The following TAPT1 variants were observed in gnomAD, a reference collection of about 807,000 sequenced individuals.
The protein encoded by TAPT1 is transmembrane anterior posterior transformation 1.
A neutral mutation model predicts 65.6 loss-of-function variants in TAPT1; 28 were observed. The observed-to-expected ratio is 0.43, with a 90% CI of 0.32 to 0.59. The LOEUF (loss-of-function observed/expected upper bound fraction) is 0.59. TAPT1 is among the 20% of genes least tolerant of loss of function. The pLI is 0.09. For missense variants in TAPT1, 563 were observed against 679.9 expected (o/e 0.83, Z 1.91); for synonymous variants, 278 against 245.2 (o/e 1.13, Z -1.25).
chr4:16,220,736 A>G (rs892895122), intron 1 of TAPT1, among the ~76,000 whole-genome samples: 1 of 151,020 alleles, frequency 6.6e-6, no homozygotes. Context: ...TGACAGAGCG[A>G]GACTCTATCT....
chr4:16,192,082 A>G (rs553101708), intron 3 of TAPT1, among the ~76,000 whole-genome samples: 34 of 152,354 alleles, frequency 2.2e-4, no homozygotes, highest in African/African-American at 7.5e-4. Flanking sequence ...CCATGATGCA[A>G]TCTACATGCC....
At chr4:16,219,379 C>T (rs1035843080) in intron 1 of TAPT1, among the ~76,000 whole-genome samples, 25 of 152,216 alleles carry the variant, frequency 1.6e-4, no homozygotes, top group African/African-American at 6.0e-4. Context: ...AAGCTACACT[C>T]TTTACTAGTT....
At chr4:16,208,303 A>C (rs1036403903) in intron 2 of TAPT1, among the ~76,000 whole-genome samples, 3 of 152,214 alleles carry the variant, frequency 2.0e-5, no homozygotes, top group Admixed American at 6.5e-5. Flanking sequence ...TTCCAGAAAG[A>C]AAGCTCTGAC....
At chr4:16,187,575 C>T (rs1413772579) in intron 5 of TAPT1, among the ~76,000 whole-genome samples, 4 of 151,726 alleles carry the variant, frequency 2.6e-5, no homozygotes, top group African/African-American at 7.3e-5. Context: ...AACCCAATTT[C>T]TTTCAAGTGT....
chr4:16,206,438 G>C (rs1296619177), intron 2 of TAPT1, among the ~76,000 whole-genome samples: 1 of 152,154 alleles, frequency 6.6e-6, no homozygotes, highest in Non-Finnish European at 1.5e-5. Context: ...TACAGACAGG[G>C]CTTAGACAGG....
intron 11 of TAPT1, among the ~76,000 whole-genome samples, chr4:16,171,083 T>A (rs1018418719): frequency 6.6e-6 from 1 of 152,186 alleles, no homozygotes; most frequent in Non-Finnish European, 1.5e-5. Context: ...TAAAATATTA[T>A]TCTGCAAAGT....
chr4:16,203,198 C>T (rs903591908), intron 2 of TAPT1, among the ~76,000 whole-genome samples: 36 of 152,230 alleles, frequency 2.4e-4, no homozygotes, highest in Non-Finnish European at 4.7e-4. Context: ...TGAAGTCTTT[C>T]GAGGACTTGG....
intron 3 of TAPT1, among the ~76,000 whole-genome samples, chr4:16,199,460 C>CA (rs560395264): frequency 7.2e-5 from 11 of 152,080 alleles, no homozygotes; most frequent in South Asian, 2.1e-4. Context: ...TTATGCACTA[C>CA]AAAAAATCTT....
chr4:16,166,275 T>C (rs1747612214), intron 13 of TAPT1, among the ~76,000 whole-genome samples: 1 of 152,242 alleles, frequency 6.6e-6, no homozygotes, highest in Non-Finnish European at 1.5e-5. Flanking sequence ...GTCCTGCTTT[T>C]GTTTTCTCTG....
Position 16,213,916 on chromosome 4 carries a change from A to G in TAPT1, c.200-18T>C. 6.3e-7 allele frequency: 1 copy of G among 1,577,926 alleles called. No homozygotes were observed. Among genetic ancestry groups the G allele is most frequent in the East Asian group, 2.3e-5 (1 of 44,286 alleles). On this transcript the variant is annotated intron_variant, in intron 1 of 13. Transcript: ENST00000405303. ...TGAAAGCTCTACAGAAAAGAAAATG[A>G]CAGAAAACAAAAAGAACAGTATTTA...
chr4:16,191,900 C>T (rs1578445019), intron 3 of TAPT1, among the ~76,000 whole-genome samples: 1 of 152,318 alleles, frequency 6.6e-6, no homozygotes. Flanking sequence ...TCACACAATG[C>T]TACATTCTAT....
Position 16,196,260 on chromosome 4 carries a change from T to A in TAPT1, c.450-4737A>T, listed in dbSNP as rs1450662149. Reference sequence around the variant, plus strand: ...ATGATTCAAACCATTTCTTAAACTTTAATTTCAAACTATACTGAAAAAAAT... The same window carrying A: ...ATGATTCAAACCATTTCTTAAACTTAAATTTCAAACTATACTGAAAAAAAT... On this transcript the variant is annotated intron_variant, in intron 3 of 13. Transcript: ENST00000405303. 2.0e-5 allele frequency among the ~76,000 whole-genome samples: 3 copies of A among 152,214 alleles called. No individual in the cohort carries two copies. In the East Asian group the frequency reaches 5.8e-4, roughly 29 times the overall value.
intron 3 of TAPT1, among the ~76,000 whole-genome samples, chr4:16,198,919 T>TA (rs1749875332): frequency 6.6e-6 from 1 of 152,184 alleles, no homozygotes; most frequent in Non-Finnish European, 1.5e-5. Context: ...TTCGTGACTT[T>TA]AAAAATAATG....
chr4:16,162,107 T>C lies in TAPT1; in HGVS notation c.*1201A>G, dbSNP rs905203279. The C allele has an allele frequency of 6.6e-6, 1 of 152,406 alleles. No individual in the cohort carries two copies. Among genetic ancestry groups the C allele is most frequent in the Admixed American group, 6.5e-5 (1 of 15,282 alleles). 9.4% of individuals were successfully genotyped at this position (152,406 alleles called of 1,614,324 possible). A position where few individuals can be genotyped will look rare whatever the true frequency, so the allele number is the denominator to read the frequency against. On this transcript the variant is annotated 3_prime_UTR_variant, in exon 14 of 14. Transcript: ENST00000405303. ...AAACCAAAAAGCACCTTTTGGTTGCTGTTCCCAACAGCCATACACAGATGC... is the reference window on the plus strand; with the variant it reads ...AAACCAAAAAGCACCTTTTGGTTGCCGTTCCCAACAGCCATACACAGATGC...
In TAPT1 at chr4:16,186,268, AC is replaced by A. The variant is rs370741160; in HGVS notation, c.916+266del. ...TTTCACATCTATAAAATGGAAAAAT[AC>A]CACCCACTTCAGAGAAATTTCTAGA... On this transcript the variant is annotated intron_variant, in intron 7 of 13. Transcript: ENST00000405303. Among the ~76,000 whole-genome samples the A allele has an allele frequency of 6.4e-4, 97 of 152,222 alleles. 1 individual carries two copies. The highest frequency in any genetic ancestry group is 2.2e-3 in the African/African-American group (91 of 41,456).
At chr4:16,212,157 G>A (rs1441266585) in intron 2 of TAPT1, among the ~76,000 whole-genome samples, 2 of 152,188 alleles carry the variant, frequency 1.3e-5, no homozygotes, top group African/African-American at 4.8e-5. Context: ...GCAGTCCCCT[G>A]GTTGTGTTCA....
chr4:16,174,103 A>T (rs1472638561), intron 11 of TAPT1, 101 bp downstream of exon 11: 4 of 1,010,978 alleles, frequency 4.0e-6, no homozygotes, highest in Non-Finnish European at 5.7e-6. Flanking sequence ...CTTAATTTTT[A>T]TATCAAGTCC....
chr4:16,218,068 T>C (rs969650719), intron 1 of TAPT1, among the ~76,000 whole-genome samples: 1 of 152,230 alleles, frequency 6.6e-6, no homozygotes, highest in African/African-American at 2.4e-5. Flanking sequence ...AACACATTAC[T>C]GCACAATCAT....
chr4:16,186,323 T>C (rs1257237235), intron 7 of TAPT1, among the ~76,000 whole-genome samples: 1 of 152,230 alleles, frequency 6.6e-6, no homozygotes, highest in Non-Finnish European at 1.5e-5. Context: ...AAGTAGCGTA[T>C]GGTGCTACAC....
Sources: gnomAD v4.1 joint callset for allele counts (sites outside exome capture counted in the v4.1 genomes callset) on GRCh38, gnomAD v4.1.1 for gene constraint, MANE v1.5 for transcripts, NCBI Gene and HGNC (gene_info 2026-07-23, HGNC 2026-07-21) for gene names.